The following NRXN3 variants were observed in gnomAD, a reference collection of about 807,000 sequenced individuals.
The protein encoded by NRXN3 is neurexin III.
A neutral mutation model predicts 137.6 loss-of-function variants in NRXN3; 32 were observed. The observed-to-expected ratio is 0.23, with a 90% CI of 0.18 to 0.31. The LOEUF (loss-of-function observed/expected upper bound fraction) is 0.31. NRXN3 is among the 10% of genes least tolerant of loss of function. NRXN3 has a pLI of 1.00. For missense variants in NRXN3, 1,574 were observed against 2,062.5 expected (o/e 0.76, Z 4.59); for synonymous variants, 798 against 784.5 (o/e 1.02, Z -0.29).
rs779137654 is a variant in NRXN3, at chr14:79,458,713, A to G, written c.3263-8508A>G. ...CCTAGAACTTATTTTGTTTTGCTATATAAGAAACTAGCATGGTTATGAAAG... is the reference window on the plus strand; with the variant it reads ...CCTAGAACTTATTTTGTTTTGCTATGTAAGAAACTAGCATGGTTATGAAAG... On this transcript the variant is annotated intron_variant, in intron 15 of 20. Transcript: ENST00000335750. Among the ~76,000 whole-genome samples the G allele has an allele frequency of 5.1e-4, 78 of 152,178 alleles. 1 individual carries two copies. Among genetic ancestry groups the G allele is most frequent in the Non-Finnish European group, 9.4e-4 (64 of 67,996 alleles).
chr14:79,138,181 G>A (rs1429705652), intron 15 of NRXN3, among the ~76,000 whole-genome samples: 1 of 152,090 alleles, frequency 6.6e-6, no homozygotes, highest in Non-Finnish European at 1.5e-5. Context: ...TTAGTGACAG[G>A]GTTTTGCTCT....
chr14:78,782,166 G>C (rs1167885982), intron 8 of NRXN3, among the ~76,000 whole-genome samples: 1 of 152,178 alleles, frequency 6.6e-6, no homozygotes. Flanking sequence ...ACATTTACCA[G>C]CTACAGTTTT....
chr14:78,248,355 C>G (rs2153458792), intron 2 of NRXN3, among the ~76,000 whole-genome samples: 1 of 142,106 alleles, frequency 7.0e-6, no homozygotes, highest in East Asian at 2.2e-4. Context: ...AGATCCTACT[C>G]AGGTCAGTTT....
At position 78,492,875 on chromosome 14, in the gene NRXN3, T is replaced by C. The variant is rs145878053; in HGVS notation, c.758-152245T>C. 1.1e-4 allele frequency among the ~76,000 whole-genome samples: 17 copies of C among 152,338 alleles called. No individual in the cohort carries two copies. The East Asian group carries it at 3.3e-3, about 29-fold the overall frequency. On this transcript the variant is annotated intron_variant, in intron 4 of 20. Coordinates refer to ENST00000335750, the MANE Select transcript of NRXN3 (RefSeq NM_001330195.2). ...ATATCATCTTGCTATGTGTTCAAGC[T>C]AAGCATATGTTTATGTGTAAGCATA...
chr14:78,388,155 A>G (rs538361675), intron 4 of NRXN3, among the ~76,000 whole-genome samples: 1 of 152,332 alleles, frequency 6.6e-6, no homozygotes, highest in African/African-American at 2.4e-5. Context: ...GCTATTTCAC[A>G]GGTCAAAAAC....
intron 16 of NRXN3, among the ~76,000 whole-genome samples, chr14:79,565,241 G>GTGTGTGTATATATACATATA (rs1457233446): frequency 1.6e-4 from 14 of 88,422 alleles, no homozygotes; most frequent in African/African-American, 5.1e-4. Flanking sequence ...ATACATATAT[G>GTGTGTGTATATATACATATA]TGTGTGTATA....
chr14:79,842,223 T>A (rs940823381), intron 20 of NRXN3, among the ~76,000 whole-genome samples: 1 of 152,158 alleles, frequency 6.6e-6, no homozygotes, highest in Non-Finnish European at 1.5e-5. Flanking sequence ...GAGGACTAAA[T>A]GTAAATACAT....
At chr14:79,610,003 C>T (rs2552407) in intron 16 of NRXN3, among the ~76,000 whole-genome samples, 58,132 of 151,720 alleles carry the variant, frequency 0.38, 11,410 homozygotes, top group Middle Eastern at 0.58. Context: ...ATGTAGATTA[C>T]GGGTTGATGG....
At chr14:79,715,833 G>A (rs1274141684) in intron 19 of NRXN3, among the ~76,000 whole-genome samples, 2 of 152,200 alleles carry the variant, frequency 1.3e-5, no homozygotes, top group Non-Finnish European at 2.9e-5. Flanking sequence ...TGCAGGATGA[G>A]ATATTAGATT....
chr14:79,714,016 G>A (rs751094523), intron 19 of NRXN3, among the ~76,000 whole-genome samples: 7 of 152,052 alleles, frequency 4.6e-5, no homozygotes, highest in Non-Finnish European at 7.4e-5. Context: ...TTGGCTCCCA[G>A]CTTTATCACC....
chr14:78,705,375 G>A (rs1358561256), intron 6 of NRXN3, among the ~76,000 whole-genome samples: 2 of 152,168 alleles, frequency 1.3e-5, no homozygotes, highest in African/African-American at 4.8e-5. Flanking sequence ...ACACTTCTGC[G>A]TGGCTGTGGC....
intron 15 of NRXN3, among the ~76,000 whole-genome samples, chr14:79,310,762 G>A (rs1303065893): frequency 1.6e-5 from 2 of 124,904 alleles, no homozygotes; most frequent in Non-Finnish European, 3.2e-5. Flanking sequence ...AAGAATGCTT[G>A]TGATTTTTGT....
chr14:79,628,610 C>T (rs749011365), intron 16 of NRXN3, among the ~76,000 whole-genome samples: 11 of 152,056 alleles, frequency 7.2e-5, no homozygotes, highest in Non-Finnish European at 1.5e-4. Flanking sequence ...TTCAGAAGCT[C>T]GAGAATACCT....
intron 15 of NRXN3, among the ~76,000 whole-genome samples, chr14:79,174,055 G>T (rs550167011): frequency 8.1e-4 from 123 of 152,150 alleles, no homozygotes; most frequent in African/African-American, 2.8e-3. Flanking sequence ...AATTGTTTTT[G>T]TTTCTCTAAT....
chr14:78,936,940 GT>G (rs749921097), intron 10 of NRXN3, among the ~76,000 whole-genome samples: 3 of 152,108 alleles, frequency 2.0e-5, no homozygotes, highest in Non-Finnish European at 4.4e-5. Context: ...GAGTCTCTCT[GT>G]GGGGCAAAGT....
At chr14:78,395,787 G>T (rs1345260427) in intron 4 of NRXN3, among the ~76,000 whole-genome samples, 1 of 151,766 alleles carries the variant, frequency 6.6e-6, no homozygotes, top group African/African-American at 2.4e-5. Flanking sequence ...TAATGTATTT[G>T]ATATTAATAG....
chr14:79,656,844 T>TAAAG (rs1164370284), intron 16 of NRXN3, among the ~76,000 whole-genome samples: 2 of 152,100 alleles, frequency 1.3e-5, no homozygotes, highest in African/African-American at 4.8e-5. Flanking sequence ...CTGAGGCCTA[T>TAAAG]AAAGATTTAG....
intron 4 of NRXN3, among the ~76,000 whole-genome samples, chr14:78,331,266 C>G (rs765153758): frequency 1.5e-4 from 23 of 152,078 alleles, no homozygotes; most frequent in Admixed American, 6.6e-5. Flanking sequence ...TTTTAAAGAC[C>G]GAGGCATGAT....
At chr14:78,677,455 T>C (rs2098020691) in intron 6 of NRXN3, among the ~76,000 whole-genome samples, 1 of 151,622 alleles carries the variant, frequency 6.6e-6, no homozygotes, top group East Asian at 1.9e-4. Flanking sequence ...AAGGAGAGCT[T>C]AGGATATGAC....
Sources: gnomAD v4.1 joint callset for allele counts (sites outside exome capture counted in the v4.1 genomes callset) on GRCh38, gnomAD v4.1.1 for gene constraint, MANE v1.5 for transcripts, NCBI Gene and HGNC (gene_info 2026-07-23, HGNC 2026-07-21) for gene names.